The following MYH16 variants were observed in gnomAD, a reference collection of about 807,000 sequenced individuals.
MYH16 encodes the protein putative uncharacterized protein MYH16.
chr7:99,256,301 A>AAT (rs1491192246), intron 9 of MYH16, among the ~76,000 whole-genome samples: 26 of 126,046 alleles, frequency 2.1e-4, no homozygotes, highest in African/African-American at 6.7e-4. Context: ...AAAAAAAAAA[A>AAT]TTTAAATTTG....
intron 20 of MYH16, among the ~76,000 whole-genome samples, chr7:99,274,448 T>TC (rs1217695826): frequency 6.6e-6 from 1 of 151,538 alleles, no homozygotes; most frequent in East Asian, 1.9e-4. Context: ...TTCTTTACAC[T>TC]CCCCCATGGG....
intron 39 of MYH16, among the ~76,000 whole-genome samples, chr7:99,303,676 C>A (rs1260313805): frequency 2.6e-5 from 4 of 152,178 alleles, no homozygotes; most frequent in African/African-American, 7.2e-5. Flanking sequence ...ATGGCATGTG[C>A]CTGTAGTCCC....
intron 21 of MYH16, among the ~76,000 whole-genome samples, chr7:99,278,529 C>T (rs1792150376): frequency 6.6e-6 from 1 of 152,200 alleles, no homozygotes; most frequent in Non-Finnish European, 1.5e-5. Context: ...TTCTGGTTTG[C>T]AAAGCTTTTC....
At chr7:99,307,718 A>G (rs745400895), downstream of MYH16, among the ~76,000 whole-genome samples, 8 of 152,082 alleles carry the variant, frequency 5.3e-5, no homozygotes, top group Admixed American at 4.6e-4. Flanking sequence ...CTCAAAGAAA[A>G]AAAAGTCAAA....
In MYH16 at chr7:99,302,311, A is replaced by AAATAT. The variant is rs1298937302; in HGVS notation, n.5137+508_5137+509insATATA. 1.3e-3 allele frequency among the ~76,000 whole-genome samples: 143 copies of AAATAT among 109,564 alleles called. 9 individuals are homozygous for AAATAT. The highest frequency in any genetic ancestry group is 6.0e-3 in the African/African-American group (132 of 21,974). 71.9% of individuals were successfully genotyped at this position (109,564 alleles called of 152,430 possible). On this transcript the variant is annotated intron_variant and non_coding_transcript_variant, in intron 38 of 41. Coordinates refer to ENST00000439784, the Ensembl canonical transcript of MYH16. Reference sequence around the variant, plus strand: ...AGAGTGACCATCTCAAAAAAAAAAAAATATATACACACACACACACACACA... The same window carrying AAATAT: ...AGAGTGACCATCTCAAAAAAAAAAAAAATATATATATACACACACACACACACACA...
intron 11 of MYH16, among the ~76,000 whole-genome samples, chr7:99,259,664 A>G (rs1791915355): frequency 6.6e-6 from 1 of 150,738 alleles, no homozygotes; most frequent in African/African-American, 2.4e-5. Context: ...TACCATGATG[A>G]CCAGGCTGGA....
At chr7:99,282,388 T>C (rs1792211041) in intron 23 of MYH16, among the ~76,000 whole-genome samples, 1 of 152,200 alleles carries the variant, frequency 6.6e-6, no homozygotes. Context: ...TAATTCAATA[T>C]TGAATTAGCA....
intron 20 of MYH16, among the ~76,000 whole-genome samples, chr7:99,275,986 C>G (rs1792106603): frequency 6.6e-6 from 1 of 152,338 alleles, no homozygotes; most frequent in East Asian, 1.9e-4. Flanking sequence ...CCTTGGCCTC[C>G]CAAAGTGCTG....
At chr7:99,284,588 C>CA (rs555116447) in intron 25 of MYH16, among the ~76,000 whole-genome samples, 5 of 151,136 alleles carry the variant, frequency 3.3e-5, no homozygotes, top group Non-Finnish European at 7.4e-5. Context: ...CACCCTGTCT[C>CA]AAAAAAAAGT....
intron 23 of MYH16, among the ~76,000 whole-genome samples, chr7:99,281,337 C>T (rs1008981443): frequency 6.6e-6 from 1 of 151,438 alleles, no homozygotes; most frequent in Admixed American, 6.6e-5. Context: ...CAGGAGGATC[C>T]CTTCAGTTTA....
At chr7:99,248,629 C>T (rs928809845) in intron 3 of MYH16, among the ~76,000 whole-genome samples, 1 of 152,224 alleles carries the variant, frequency 6.6e-6, no homozygotes, top group Admixed American at 6.5e-5. Context: ...CTCCTGGGCT[C>T]CAGCCTCAGC....
At chr7:99,304,083 CAGG>C (rs1466727093) in intron 39 of MYH16, among the ~76,000 whole-genome samples, 1 of 152,156 alleles carries the variant, frequency 6.6e-6, no homozygotes, top group Non-Finnish European at 1.5e-5. Flanking sequence ...ATCGAAATCT[CAGG>C]AGTTCAGGAA....
intron 23 of MYH16, among the ~76,000 whole-genome samples, chr7:99,282,708 GA>G (rs199933846): frequency 4.0e-5 from 6 of 151,256 alleles, no homozygotes; most frequent in Admixed American, 1.3e-4. Context: ...CTAAAAACTA[GA>G]AAAAAAATTA....
rs986040501 is a variant in MYH16, at chr7:99,276,731, C to G, written n.2486-808C>G. Among the ~76,000 whole-genome samples the G allele has an allele frequency of 2.6e-5, 4 of 152,182 alleles. No homozygotes were observed. In the East Asian group the frequency reaches 7.7e-4, roughly 29 times the overall value. ...CTACATTGTGGAAGGCCTGCAAGGC[C>G]AAGTCGAGAGGTGTGACTTCATGTT... is the stretch of plus-strand genomic sequence containing the variant. On this transcript the variant is annotated intron_variant and non_coding_transcript_variant, in intron 20 of 41. Transcript: ENST00000439784.
chr7:99,297,634 T>C (rs368973840), intron 34 of MYH16, 26 bp from the exon 16 acceptor site: 102 of 453,406 alleles, frequency 2.2e-4, no homozygotes, highest in East Asian at 1.7e-3. Flanking sequence ...TGCCGAGTCT[T>C]ATTAACATGA....
intron 21 of MYH16, 31 bp from the exon 4 acceptor site, chr7:99,279,479 T>C (rs1295187259): frequency 6.6e-6 from 3 of 455,168 alleles, no homozygotes; most frequent in Non-Finnish European, 1.3e-5. Flanking sequence ...GCCTGGACCC[T>C]GTCCTCGACC....
At chr7:99,269,066 C>G (rs1433852313) in intron 18 of MYH16, among the ~76,000 whole-genome samples, 2 of 152,176 alleles carry the variant, frequency 1.3e-5, no homozygotes, top group African/African-American at 4.8e-5. Flanking sequence ...ATGCAGGTCT[C>G]CTGGCACCTT....
chr7:99,274,476 T>TC (rs1792084347), intron 20 of MYH16, among the ~76,000 whole-genome samples: 1 of 151,966 alleles, frequency 6.6e-6, no homozygotes, highest in South Asian at 2.1e-4. Context: ...TAGCTAACAA[T>TC]CAGCACCCAC....
downstream of MYH16, chr7:99,306,870 C>G (rs1224229011): frequency 6.6e-6 from 1 of 152,500 alleles, no homozygotes; most frequent in Non-Finnish European, 1.5e-5. Context: ...CGGTCTCGCT[C>G]AGAGCGCTCC....
Sources: gnomAD v4.1 joint callset for allele counts (sites outside exome capture counted in the v4.1 genomes callset) on GRCh38, gnomAD v4.1.1 for gene constraint, MANE v1.5 for transcripts, NCBI Gene and HGNC (gene_info 2026-07-23, HGNC 2026-07-21) for gene names.